Variants in LDB2 observed in about 807,000 individuals in gnomAD.
The protein encoded by LDB2 is LIM domain binding 2.
A neutral mutation model predicts 44.3 loss-of-function variants in LDB2; 12 were observed. The ratio of observed to expected loss-of-function variants is 0.27; its 90% confidence interval spans 0.17 to 0.44. LDB2 has a LOEUF of 0.44. LDB2 is among the 20% of genes least tolerant of loss of function. The probability of loss-of-function intolerance (pLI) is 1.00; values close to 1 mark genes in which losing one functional copy is unlikely to be tolerated. For synonymous variants in LDB2, 164 were observed against 174.8 expected, an observed-to-expected ratio of 0.94 and a Z score of 0.49; for missense variants, 344 against 473.5, an observed-to-expected ratio of 0.73 and a Z score of 2.54.
intron 1 of LDB2, among the ~76,000 whole-genome samples, chr4:16,804,242 G>T (rs1327174156): frequency 6.6e-6 from 1 of 152,006 alleles, no homozygotes; most frequent in Non-Finnish European, 1.5e-5. Context: ...TGGGACTCCT[G>T]GCTAGGTACA....
intron 5 of LDB2, among the ~76,000 whole-genome samples, chr4:16,565,728 C>G (rs1744266434): frequency 6.6e-6 from 1 of 151,630 alleles, no homozygotes; most frequent in Non-Finnish European, 1.5e-5. Flanking sequence ...AAAAATTTAG[C>G]TAGAACATCC....
chr4:16,641,370 G>A (rs1349334799), intron 2 of LDB2, among the ~76,000 whole-genome samples: 1 of 152,158 alleles, frequency 6.6e-6, no homozygotes, highest in Non-Finnish European at 1.5e-5. Context: ...GAGCTCAGGG[G>A]CACGGTAACT....
intron 2 of LDB2, among the ~76,000 whole-genome samples, chr4:16,614,945 C>A (rs1339315132): frequency 2.0e-5 from 3 of 149,744 alleles, no homozygotes; most frequent in Non-Finnish European, 4.5e-5. Context: ...TGGCGGGCGC[C>A]TGTAGTCCCA....
intron 1 of LDB2, among the ~76,000 whole-genome samples, chr4:16,866,343 T>A (rs1309996944): frequency 6.6e-6 from 1 of 152,228 alleles, no homozygotes; most frequent in Non-Finnish European, 1.5e-5. Context: ...TAATAGTTTT[T>A]ACTTTTCAAA....
chr4:16,563,813 G>C (rs1743471242), intron 5 of LDB2, among the ~76,000 whole-genome samples: 1 of 151,950 alleles, frequency 6.6e-6, no homozygotes, highest in South Asian at 2.1e-4. Context: ...TCACACCATG[G>C]CGGACCTGAT....
rs777551270 is a variant in LDB2, at chr4:16,898,412, A to G, written c.74T>C (p.Met25Thr). 5.6e-6 allele frequency: 9 copies of G among 1,613,670 alleles called. No individual in the cohort carries two copies. Among genetic ancestry groups the G allele is most frequent in the East Asian group, 2.2e-5 (1 of 44,774 alleles). Residue 25 changes from methionine (M) to threonine (T), a missense_variant, in exon 1 of 8, where the codon ATG (methionine) becomes ACG (threonine). Coordinates refer to ENST00000304523, the MANE Select transcript of LDB2 (RefSeq NM_001290.5). ...GPFYRRHTPYMVQPEYRIYEM... is the reference protein window; with the variant it reads ...GPFYRRHTPYTVQPEYRIYEM... ...ATAGATTCGGTACTCTGGCTGTACC[A>G]TGTATGGTGTATGCCTCCTATAAAA...
chr4:16,884,874 T>C (rs530984984), intron 1 of LDB2, among the ~76,000 whole-genome samples: 17 of 152,184 alleles, frequency 1.1e-4, no homozygotes, highest in Non-Finnish European at 2.5e-4. Context: ...ACATTACCCA[T>C]AGGGGCATCC....
At chr4:16,513,425 C>CTAAG (rs1560323005) in intron 5 of LDB2, among the ~76,000 whole-genome samples, 3 of 152,214 alleles carry the variant, frequency 2.0e-5, no homozygotes, top group Non-Finnish European at 4.4e-5. Context: ...CCATCTGCTT[C>CTAAG]TAAGTCTGCC....
At chr4:16,661,885 C>A (rs535771508) in intron 2 of LDB2, among the ~76,000 whole-genome samples, 228 of 152,266 alleles carry the variant, frequency 1.5e-3, no homozygotes, top group African/African-American at 4.8e-3. Context: ...AGTGAGAGAG[C>A]ACATGGAATC....
At chr4:16,565,406 A>C (rs911581152) in intron 5 of LDB2, among the ~76,000 whole-genome samples, 5 of 152,304 alleles carry the variant, frequency 3.3e-5, no homozygotes, top group African/African-American at 7.2e-5. Flanking sequence ...CTCCTTGGAC[A>C]TCAGAGATAC....
chr4:16,537,866 A>G (rs1415751527), intron 5 of LDB2, among the ~76,000 whole-genome samples: 1 of 152,210 alleles, frequency 6.6e-6, no homozygotes. Context: ...TAAGGTATCT[A>G]AGGTATAGGT....
chr4:16,611,227 G>T (rs1403927002), intron 2 of LDB2, among the ~76,000 whole-genome samples: 3 of 152,058 alleles, frequency 2.0e-5, no homozygotes, highest in African/African-American at 7.3e-5. Context: ...ACTAAATATG[G>T]AAAGGAAAAA....
chr4:16,721,386 G>A (rs190854251), intron 2 of LDB2, among the ~76,000 whole-genome samples: 189 of 152,224 alleles, frequency 1.2e-3, no homozygotes, highest in Middle Eastern at 6.8e-3. Context: ...ACCTTTCTAT[G>A]ATCAGGAAGA....
chr4:16,739,278 A>T (rs1762471856), intron 2 of LDB2, among the ~76,000 whole-genome samples: 1 of 151,874 alleles, frequency 6.6e-6, no homozygotes, highest in Non-Finnish European at 1.5e-5. Flanking sequence ...AGGTTAAGTC[A>T]TTACGATTTC....
intron 7 of LDB2, 105 bp downstream of exon 7, chr4:16,508,430 C>T: frequency 9.1e-7 from 1 of 1,103,892 alleles, no homozygotes; most frequent in Non-Finnish European, 1.2e-6. Context: ...TCCAACCTGC[C>T]CAGGATTTTT....
At chr4:16,708,213 C>T (rs534779) in intron 2 of LDB2, among the ~76,000 whole-genome samples, 56,361 of 151,848 alleles carry the variant, frequency 0.37, 10,732 homozygotes, top group Admixed American at 0.43. Flanking sequence ...GGTGTGGTGG[C>T]ACACACACCT....
chr4:16,873,743 A>G (rs1717480845), intron 1 of LDB2, among the ~76,000 whole-genome samples: 1 of 152,212 alleles, frequency 6.6e-6, no homozygotes, highest in African/African-American at 2.4e-5. Flanking sequence ...CTATTGACGT[A>G]TAATGTGTAA....
intron 1 of LDB2, among the ~76,000 whole-genome samples, chr4:16,799,619 G>C (rs552088482): frequency 1.3e-5 from 2 of 152,252 alleles, no homozygotes; most frequent in Admixed American, 1.3e-4. Context: ...CATGTATAGA[G>C]GATTTATGAT....
At chr4:16,755,236 A>G (rs1766287519) in intron 2 of LDB2, among the ~76,000 whole-genome samples, 1 of 152,146 alleles carries the variant, frequency 6.6e-6, no homozygotes, top group African/African-American at 2.4e-5. Context: ...CTTGAAACTA[A>G]TAGCAAGTGA....
Sources: allele counts gnomAD v4.1 joint callset (sites outside exome capture counted in the v4.1 genomes callset), GRCh38; gene constraint gnomAD v4.1.1; transcripts MANE v1.5; gene names NCBI Gene and HGNC (gene_info 2026-07-23, HGNC 2026-07-21).